Variants in CASR observed in about 807,000 individuals in gnomAD.
The protein encoded by CASR is calcium sensing receptor.
Under a neutral mutation model 69.1 loss-of-function variants are expected in CASR, and 23 were observed. The observed-to-expected ratio is 0.33, with a 90% CI of 0.24 to 0.47. CASR has a LOEUF of 0.47. Ranked by LOEUF, CASR falls within the 20% of genes least tolerant of loss-of-function variation. CASR has a pLI of 1.00. For missense variants in CASR, 924 were observed against 1,356.1 expected, an observed-to-expected ratio of 0.68 and a Z score of 5.00; for synonymous variants, 541 against 544.7, an observed-to-expected ratio of 0.99 and a Z score of 0.10.
rs1450284564 is a variant in CASR, at chr3:122,291,111, T to G, written c.*5920T>G. On this transcript the variant is annotated 3_prime_UTR_variant, in exon 7 of 7. Coordinates refer to ENST00000639785, the MANE Select transcript of CASR (RefSeq NM_000388.4). The stretch of plus-strand genomic sequence containing the variant: ...TCCATGGTGTATATGTGCCACATTT[T>G]CTTAATCCAGTCTATCGTTGTTGGA... The G allele has an allele frequency of 1.4e-5, 2 of 142,638 alleles. No homozygotes were observed. Among genetic ancestry groups the G allele is most frequent in the Non-Finnish European group, 3.1e-5 (2 of 64,758 alleles). 8.8% of individuals were successfully genotyped at this position (142,638 alleles called of 1,614,324 possible).
In CASR at chr3:122,262,143, G is replaced by C. The variant is rs2074634164; in HGVS notation, c.1108G>C (p.Val370Leu). The change falls in exon 4 of 7, where the codon GTG becomes CTG. Residue 370 changes from valine (V) to leucine (L), a missense_variant. This residue lies in a region of CASR where 310 missense variants were observed against 395.7 expected (regional missense o/e 0.78). Transcript: ENST00000639785. ...AGAAGGTGCAAAAGGACCTTTACCTGTGGACACCTTTCTGAGAGGTCACGA... is the reference window on the plus strand; with the variant it reads ...AGAAGGTGCAAAAGGACCTTTACCTCTGGACACCTTTCTGAGAGGTCACGA... The part of the protein sequence containing the change: ...LQEGAKGPLP[V>L]DTFLRGHEES... 6.2e-7 allele frequency: 1 copy of C among 1,614,172 alleles called. No homozygotes were observed. Among genetic ancestry groups the C allele is most frequent in the Admixed American group, 1.7e-5 (1 of 60,028 alleles).
intron 1 of CASR, among the ~76,000 whole-genome samples, chr3:122,231,390 G>A (rs578261728): frequency 7.9e-5 from 12 of 152,314 alleles, no homozygotes; most frequent in South Asian, 4.2e-4. Flanking sequence ...GAGAGAGGGG[G>A]ACACTATCAC....
chr3:122,275,867 C>T lies in CASR; in HGVS notation c.1433C>T (p.Thr478Ile). The T allele has an allele frequency of 1.9e-6, 3 of 1,614,174 alleles. No individual in the cohort carries two copies. Among genetic ancestry groups the T allele is most frequent in the Non-Finnish European group, 2.5e-6 (3 of 1,180,006 alleles). The change falls in exon 5 of 7, where the codon ACC (threonine) becomes ATC (isoleucine). Residue 478 changes from threonine (T) to isoleucine (I), a missense_variant. Transcript: ENST00000639785. ...ACAAACAATATGGGGGAGCAGGTGA[C>T]CTTTGATGAGTGTGGTGACCTGGTG... ...NFTNNMGEQVTFDECGDLVGN... is the reference protein window; with the variant it reads ...NFTNNMGEQVIFDECGDLVGN...
intron 1 of CASR, among the ~76,000 whole-genome samples, chr3:122,237,699 A>T (rs2074341710): frequency 6.6e-6 from 1 of 152,242 alleles, no homozygotes; most frequent in Non-Finnish European, 1.5e-5. Flanking sequence ...AAAATTTTAA[A>T]TACATTTTGG....
intron 1 of CASR, among the ~76,000 whole-genome samples, chr3:122,208,009 GTTATTA>G (rs893630662): frequency 2.0e-5 from 3 of 151,930 alleles, no homozygotes; most frequent in Non-Finnish European, 4.4e-5. Context: ...AACAAAATGT[GTTATTA>G]TTATAGCAAA....
Position 122,286,094 on chromosome 3 carries a change from C to G in CASR, c.*903C>G, listed in dbSNP as rs898409199. The G allele has an allele frequency of 6.5e-6, 1 of 152,696 alleles. No homozygotes were observed. Among genetic ancestry groups the G allele is most frequent in the African/African-American group, 2.4e-5 (1 of 41,430 alleles). 9.5% of individuals were successfully genotyped at this position (152,696 alleles called of 1,614,324 possible). A position where few individuals can be genotyped will look rare whatever the true frequency, so the allele number is the denominator to read the frequency against. ...CTCCCATCTCTACCCCAAAGAATTCCTGAAGCCAGATCCACCCTATCCCTG... is the reference window on the plus strand; with the variant it reads ...CTCCCATCTCTACCCCAAAGAATTCGTGAAGCCAGATCCACCCTATCCCTG... On this transcript the variant is annotated 3_prime_UTR_variant, in exon 7 of 7. Coordinates refer to ENST00000639785, the MANE Select transcript of CASR (RefSeq NM_000388.4).
chr3:122,186,376 G>A lies in CASR; in HGVS notation c.-243+2564G>A, dbSNP rs184753523. Reference sequence around the variant, plus strand: ...GACTGATCCTTGTGATAGGGTAGGGGTATAATGAAGAGGAAGAAGTTAACT... The same window carrying A: ...GACTGATCCTTGTGATAGGGTAGGGATATAATGAAGAGGAAGAAGTTAACT... On this transcript the variant is annotated intron_variant, in intron 1 of 6. Transcript: ENST00000639785. 3.3e-5 allele frequency among the ~76,000 whole-genome samples: 5 copies of A among 152,332 alleles called. No homozygotes were observed. In the East Asian group the frequency reaches 7.7e-4, roughly 23 times the overall value.
At chr3:122,259,774 C>T (rs2074599117) in intron 3 of CASR, among the ~76,000 whole-genome samples, 1 of 151,914 alleles carries the variant, frequency 6.6e-6, no homozygotes, top group Admixed American at 6.6e-5. Flanking sequence ...GGACTACAGG[C>T]GCCCGCCACC....
intron 1 of CASR, among the ~76,000 whole-genome samples, chr3:122,217,342 C>T (rs896380915): frequency 1.2e-4 from 18 of 152,100 alleles, no homozygotes; most frequent in African/African-American, 4.3e-4. Context: ...TTCAAGCAAT[C>T]TGCCTGCCTC....
chr3:122,257,435 G>A (rs1393854247), intron 3 of CASR, 48 bp downstream of exon 3: 2 of 1,462,044 alleles, frequency 1.4e-6, no homozygotes, highest in Admixed American at 3.4e-5. Flanking sequence ...ATCAGAAGAA[G>A]CAGGCTTGGG....
intron 1 of CASR, among the ~76,000 whole-genome samples, chr3:122,218,669 A>G (rs2074142101): frequency 6.6e-6 from 1 of 152,104 alleles, no homozygotes; most frequent in South Asian, 2.1e-4. Context: ...GTATTTATTG[A>G]GCCCCAGATG....
chr3:122,244,230 C>G (rs185637636), intron 1 of CASR, among the ~76,000 whole-genome samples: 17 of 151,710 alleles, frequency 1.1e-4, no homozygotes, highest in African/African-American at 3.4e-4. Flanking sequence ...GGATGGATAC[C>G]CCATTTACCA....
chr3:122,213,792 C>A (rs1329571492), intron 1 of CASR, among the ~76,000 whole-genome samples: 1 of 152,192 alleles, frequency 6.6e-6, no homozygotes, highest in Non-Finnish European at 1.5e-5. Flanking sequence ...GTTTCAGTGA[C>A]CATGGCAAAG....
At chr3:122,256,343 T>C (rs1388026263) in intron 2 of CASR, among the ~76,000 whole-genome samples, 3 of 152,242 alleles carry the variant, frequency 2.0e-5, no homozygotes, top group Non-Finnish European at 4.4e-5. Context: ...TCCTAATGTA[T>C]TTATGTTTTC....
intron 1 of CASR, among the ~76,000 whole-genome samples, chr3:122,235,824 A>T (rs1308583670): frequency 1.3e-5 from 2 of 152,240 alleles, no homozygotes; most frequent in Non-Finnish European, 2.9e-5. Flanking sequence ...ATAAAATTAC[A>T]TTTAAACAAT....
intron 1 of CASR, among the ~76,000 whole-genome samples, chr3:122,192,935 T>C (rs2073853322): frequency 2.0e-5 from 3 of 152,262 alleles, no homozygotes; most frequent in Admixed American, 2.0e-4. Context: ...TGAACACACA[T>C]AGCTTATTTA....
intron 1 of CASR, among the ~76,000 whole-genome samples, chr3:122,238,038 G>A (rs1451691047): frequency 3.3e-5 from 5 of 152,126 alleles, no homozygotes; most frequent in Non-Finnish European, 5.9e-5. Flanking sequence ...CCCCCTGCAG[G>A]AACACCACAT....
chr3:122,251,442 A>G (rs2074482288), intron 1 of CASR, among the ~76,000 whole-genome samples: 1 of 152,210 alleles, frequency 6.6e-6, no homozygotes, highest in East Asian at 1.9e-4. Flanking sequence ...GTGTTCCACT[A>G]AAGCTGTGCA....
chr3:122,275,731 G>A (rs538872140), intron 4 of CASR, 81 bp from the exon 5 acceptor site: 87 of 912,062 alleles, frequency 9.5e-5, no homozygotes, highest in East Asian at 5.7e-4. Context: ...ATAGTCTACC[G>A]TTGTTGTGCA....
Sources: allele counts gnomAD v4.1 joint callset (sites outside exome capture counted in the v4.1 genomes callset), GRCh38; gene constraint gnomAD v4.1.1; regional missense constraint gnomAD v4.1.1; transcripts MANE v1.5; gene names NCBI Gene and HGNC (gene_info 2026-07-23, HGNC 2026-07-21).